The following SHC2 variants were observed in gnomAD, a reference collection of about 807,000 sequenced individuals.
The protein encoded by SHC2 is SHC-transforming protein 2.
A neutral mutation model predicts 60.6 loss-of-function variants in SHC2; 62 were observed. The observed-to-expected ratio is 1.02, with a 90% CI of 0.83 to 1.26. The LOEUF is 1.26. SHC2 is among the 50% of genes most tolerant of loss of function. SHC2 has a pLI of 0.00. For synonymous variants in SHC2, 375 were observed against 372.4 expected (o/e 1.01, Z -0.08); for missense variants, 873 against 822.2 (o/e 1.06, Z -0.76).
intron 1 of SHC2, among the ~76,000 whole-genome samples, chr19:459,459 C>CCCCACTGAACCCAGCGTAGGGGGAAGGA (rs1975484173): frequency 1.4e-5 from 2 of 145,124 alleles, no homozygotes; most frequent in Admixed American, 1.4e-4. Flanking sequence ...GGGGGAAGGA[C>CCCCACTGAACCCAGCGTAGGGGGAAGGA]CCCTCTCAAC....
At chr19:434,236 G>T (rs1600290850) in intron 8 of SHC2, among the ~76,000 whole-genome samples, 2 of 111,880 alleles carry the variant, frequency 1.8e-5, no homozygotes. Flanking sequence ...GAGTGAGTGA[G>T]ATCCTGAGTG....
chr19:447,423 A>T (rs1975077936), intron 1 of SHC2, among the ~76,000 whole-genome samples: 1 of 152,186 alleles, frequency 6.6e-6, no homozygotes, highest in Non-Finnish European at 1.5e-5. Context: ...CACTAAATAC[A>T]CCGCCCTGCA....
chr19:422,442 C>T lies in SHC2; in HGVS notation c.1324G>A (p.Ala442Thr). 3.8e-6 allele frequency: 6 copies of T among 1,562,336 alleles called. No homozygotes were observed. The highest frequency in any genetic ancestry group is 5.2e-6 in the Non-Finnish European group (6 of 1,153,036). Residue 442 changes from alanine (A) to threonine (T), a missense_variant, in exon 11 of 13, where the codon GCC becomes ACC. Ala to Thr is a moderately conservative substitution (Grantham distance 58, BLOSUM62 0). Coordinates refer to ENST00000264554, the MANE Select transcript of SHC2 (RefSeq NM_012435.3). This position sits in a 1 kb window ranked among gnomAD's most constrained non-coding sequence, Gnocchi z 5.0. ...ACTGAGCACTCATGCAACTTCAGGG[C>T]ATCCTCAAAGGGTCCTGCAGGCCAG... Reference protein sequence around the residue: ...DLFDMRPFEDALKLHECSVAA... With the variant: ...DLFDMRPFEDTLKLHECSVAA...
intron 1 of SHC2, among the ~76,000 whole-genome samples, chr19:443,998 CAGAT>C (rs1170239476): frequency 9.2e-4 from 84 of 91,288 alleles, no homozygotes; most frequent in Non-Finnish European, 1.3e-3. Context: ...GATGGATGGA[CAGAT>C]GGATGGATGG....
intron 1 of SHC2, among the ~76,000 whole-genome samples, chr19:459,862 G>A (rs1975496229): frequency 6.6e-6 from 1 of 152,158 alleles, no homozygotes; most frequent in African/African-American, 2.4e-5. Context: ...ACTATGCACG[G>A]CGCTGTCACC....
intron 12 of SHC2, among the ~76,000 whole-genome samples, chr19:418,484 C>T (rs1019841741): frequency 6.6e-6 from 1 of 152,254 alleles, no homozygotes; most frequent in Admixed American, 6.5e-5. Context: ...GATGAACACA[C>T]AAAACGTGGT....
chr19:421,730 G>A (rs1422038071), intron 11 of SHC2, among the ~76,000 whole-genome samples: 1 of 152,098 alleles, frequency 6.6e-6, no homozygotes, highest in Admixed American at 6.5e-5. Flanking sequence ...ACCAGCCTGG[G>A]CAACGTGGCA....
At chr19:444,719 A>C (rs1212060465) in intron 1 of SHC2, among the ~76,000 whole-genome samples, 1 of 151,822 alleles carries the variant, frequency 6.6e-6, no homozygotes, top group Non-Finnish European at 1.5e-5. Flanking sequence ...TGTCACGTGT[A>C]AGTCTCTGCT....
In SHC2 at chr19:425,839, G is replaced by A. The variant is rs1262117874; in HGVS notation, c.1175-608C>T. Among the ~76,000 whole-genome samples, 1 of 151,992 alleles carries A rather than the reference G, an allele frequency of 6.6e-6. No individual in the cohort carries two copies. The highest frequency in any genetic ancestry group is 2.4e-5 in the African/African-American group (1 of 41,376). ...AGGTCAGGAGTTCGAGACCAGCCTGGCCAACATGGTGAAACCCCGTCTCTA... is the reference window on the plus strand; with the variant it reads ...AGGTCAGGAGTTCGAGACCAGCCTGACCAACATGGTGAAACCCCGTCTCTA... On this transcript the variant is annotated intron_variant, in intron 9 of 12. Coordinates refer to ENST00000264554, the MANE Select transcript of SHC2 (RefSeq NM_012435.3). The surrounding 1 kb of genome is among the most constrained non-coding windows in gnomAD (Gnocchi z 4.1).
Position 438,919 on chromosome 19 carries a change from C to T in SHC2, c.600+51G>A. ...TCCCAGGATGGCCGCAGCGTCCCCA[C>T]AGCCCCCGACTGCCCCACCAGCCCC... is the stretch of plus-strand genomic sequence containing the variant. On this transcript the variant is annotated intron_variant, in intron 3 of 12. Transcript: ENST00000264554. This position sits in a 1 kb window ranked among gnomAD's most constrained non-coding sequence, Gnocchi z 5.0. 6.4e-7 allele frequency: 1 copy of T among 1,557,858 alleles called. No individual in the cohort carries two copies. The highest frequency in any genetic ancestry group is 8.7e-7 in the Non-Finnish European group (1 of 1,148,968).
intron 1 of SHC2, among the ~76,000 whole-genome samples, chr19:455,644 T>C (rs1054993489): frequency 6.6e-6 from 1 of 152,118 alleles, no homozygotes; most frequent in African/African-American, 2.4e-5. Context: ...TCACCACAAA[T>C]TGAGTGGCTC....
intron 1 of SHC2, among the ~76,000 whole-genome samples, chr19:448,187 C>A (rs1975094034): frequency 2.0e-5 from 3 of 152,220 alleles, no homozygotes; most frequent in Non-Finnish European, 2.9e-5. Flanking sequence ...CAGAGCTTTA[C>A]GGGGGAGAAA....
intron 1 of SHC2, among the ~76,000 whole-genome samples, chr19:443,863 T>TGGA: frequency 7.3e-6 from 1 of 136,502 alleles, no homozygotes; most frequent in African/African-American, 2.8e-5. Flanking sequence ...GACGGATGGA[T>TGGA]GGGTGGATGG....
rs905112808 is a variant in SHC2 at position 425,491 on chromosome 19, C to G, written c.1175-260G>C. 6.6e-6 allele frequency among the ~76,000 whole-genome samples: 1 copy of G among 152,202 alleles called. No individual in the cohort carries two copies. Among genetic ancestry groups the G allele is most frequent in the Non-Finnish European group, 1.5e-5 (1 of 68,030 alleles). ...TGCGGCTGGGGCTGTGGGCACCAGA[C>G]GTCCACGCCCAGGGAGAAGGCAGCC... On this transcript the variant is annotated intron_variant, in intron 9 of 12. Transcript: ENST00000264554. The surrounding 1 kb of genome is among the most constrained non-coding windows in gnomAD (Gnocchi z 4.1).
chr19:458,999 C>T (rs1308042938), intron 1 of SHC2, among the ~76,000 whole-genome samples: 1 of 152,110 alleles, frequency 6.6e-6, no homozygotes, highest in Non-Finnish European at 1.5e-5. Context: ...CCACCTCTGC[C>T]TGTCTCCTAA....
Position 441,586 on chromosome 19 carries a change from GGGAGGGTAAGGGGCACAGCCCACGTCAT to G in SHC2, c.469-682_469-655del. On this transcript the variant is annotated intron_variant, in intron 1 of 12. Coordinates refer to ENST00000264554, the MANE Select transcript of SHC2 (RefSeq NM_012435.3). The surrounding 1 kb of genome is among the most constrained non-coding windows in gnomAD (Gnocchi z 4.9). ...CCTTCCAACGTTGGCCCTTGCTGGAGGGAGGGTAAGGGGCACAGCCCACGTCATCTCTATGAAATGTCCTACAGAGGCA... is the reference window on the plus strand; with the variant it reads ...CCTTCCAACGTTGGCCCTTGCTGGAGCTCTATGAAATGTCCTACAGAGGCA... 6.6e-6 allele frequency among the ~76,000 whole-genome samples: 1 copy of G among 152,170 alleles called. No homozygotes were observed. The highest frequency in any genetic ancestry group is 1.5e-5 in the Non-Finnish European group (1 of 68,034).
chr19:429,569 C>T (rs1264006757), intron 9 of SHC2, among the ~76,000 whole-genome samples: 2 of 148,548 alleles, frequency 1.3e-5, no homozygotes, highest in Non-Finnish European at 3.0e-5. Context: ...AACCTAACAC[C>T]GTGTGGATGA....
In SHC2 at chr19:460,748, G is replaced by A; in HGVS notation, c.249C>T (p.Cys83=). 1 of 979,988 alleles carries A rather than the reference G, an allele frequency of 1.0e-6. No homozygotes were observed. Among genetic ancestry groups the A allele is most frequent in the South Asian group, 4.6e-5 (1 of 21,794 alleles). The allele number at this position is 979,988 out of a possible 1,614,324, so 60.7% of individuals were successfully genotyped here. A position where few individuals can be genotyped will look rare whatever the true frequency, so the allele number is the denominator to read the frequency against. Residue 83 remains cysteine, a synonymous_variant, in exon 1 of 13, where the codon TGC becomes TGT. Transcript: ENST00000264554. ...PALAAAVLGA[C]EPRCAAPCPL... is the part of the protein sequence containing the mutation. Reference sequence around the variant, plus strand: ...GACAGGGCGCGGCGCAGCGGGGCTCGCAGGCGCCCAGGACGGCGGCCGCCA... The same window carrying A: ...GACAGGGCGCGGCGCAGCGGGGCTCACAGGCGCCCAGGACGGCGGCCGCCA...
rs561286471 is a variant in SHC2, at chr19:453,730, G to C, written c.468+6799C>G. Among the ~76,000 whole-genome samples, 3 of 152,168 alleles carry C rather than the reference G, an allele frequency of 2.0e-5. No homozygotes were observed. Among genetic ancestry groups the C allele is most frequent in the Non-Finnish European group, 4.4e-5 (3 of 68,036 alleles). ...CCGCACCTCCCAGCTTAAGGGACCC[G>C]CGATGCAGGAAGGATGAAGTGTCAT... On this transcript the variant is annotated intron_variant, in intron 1 of 12. Transcript: ENST00000264554. This position sits in a 1 kb window ranked among gnomAD's most constrained non-coding sequence, Gnocchi z 6.3.
Sources: allele counts gnomAD v4.1 joint callset (sites outside exome capture counted in the v4.1 genomes callset), GRCh38; gene constraint gnomAD v4.1.1; non-coding constraint Gnocchi (gnomAD v3.1); transcripts MANE v1.5; gene names NCBI Gene and HGNC (gene_info 2026-07-23, HGNC 2026-07-21).